The following MTF2 variants were observed in gnomAD, a reference collection of about 807,000 sequenced individuals.
MTF2 encodes metal response element binding transcription factor 2, also known as metal-response element-binding transcription factor 2.
A neutral mutation model predicts 79.5 loss-of-function variants in MTF2; 11 were observed. That is an observed-to-expected ratio of 0.14 (90% CI 0.09 to 0.23). The LOEUF is 0.23. Among genes scored for constraint, MTF2 ranks in the 10% least tolerant of loss-of-function variants. MTF2 has a pLI of 1.00. For synonymous variants in MTF2, 208 were observed against 232.8 expected (o/e 0.89, Z 0.97); for missense variants, 486 against 711.2 (o/e 0.68, Z 3.60).
intron 9 of MTF2, among the ~76,000 whole-genome samples, chr1:93,122,445 A>G (rs756425019): frequency 6.6e-6 from 1 of 152,188 alleles, no homozygotes; most frequent in East Asian, 1.9e-4. Context: ...GGCTGGAAAT[A>G]TAAGAAAATG....
At chr1:93,111,417 T>C (rs1047197563) in intron 3 of MTF2, among the ~76,000 whole-genome samples, 9 of 152,194 alleles carry the variant, frequency 5.9e-5, no homozygotes, top group African/African-American at 2.2e-4. Flanking sequence ...CCCTAAAGGG[T>C]AGACACCTTG....
intron 9 of MTF2, 64 bp downstream of exon 9, chr1:93,120,736 C>A (rs1656439868): frequency 6.4e-7 from 1 of 1,559,688 alleles, no homozygotes; most frequent in Non-Finnish European, 8.6e-7. Context: ...TTTTGTTTTT[C>A]AAAAAACAAC....
chr1:93,136,871 G>A lies in MTF2; in HGVS notation c.1626G>A (p.Glu542=). 6.2e-7 allele frequency: 1 copy of A among 1,614,160 alleles called. No individual in the cohort carries two copies. Among genetic ancestry groups the A allele is most frequent in the Non-Finnish European group, 8.5e-7 (1 of 1,180,014 alleles). ...TEILNNLADQ[E]LQLNHLKNSI... ...TTCTGAATAACTTAGCAGATCAGGA[G>A]TTACAACTCAATCATCTAAAGAACT... The change falls in exon 15 of 15, where the codon GAG becomes GAA. Residue 542 remains glutamate (E), a synonymous_variant. Coordinates refer to ENST00000370298, the MANE Select transcript of MTF2 (RefSeq NM_007358.4).
At chr1:93,118,952 A>G (rs1656359598) in intron 7 of MTF2, among the ~76,000 whole-genome samples, 1 of 152,238 alleles carries the variant, frequency 6.6e-6, no homozygotes, top group Admixed American at 6.5e-5. Context: ...ACCTTAGGGA[A>G]GTTCACTTGT....
intron 1 of MTF2, among the ~76,000 whole-genome samples, chr1:93,095,686 C>T (rs185186607): frequency 1.2e-4 from 16 of 138,350 alleles, no homozygotes; most frequent in African/African-American, 3.3e-4. Context: ...GATGGAGTCT[C>T]GCTCTGTCAC....
rs1471481305 is a variant in MTF2 at position 93,079,411 on chromosome 1, G to A, written c.-116G>A. 1 of 1,345,956 alleles carries A rather than the reference G, an allele frequency of 7.4e-7. No individual in the cohort carries two copies. The allele number at this position is 1,345,956 out of a possible 1,614,324, so 83.4% of individuals were successfully genotyped here. On this transcript the variant is annotated 5_prime_UTR_variant, in exon 1 of 15. Coordinates refer to ENST00000370298, the MANE Select transcript of MTF2 (RefSeq NM_007358.4). ...CTCGGTTTGTGCGTGCATATGTGCC[G>A]GGTACCCGGTGGGGCGGGTGCCCAG...
intron 6 of MTF2, among the ~76,000 whole-genome samples, chr1:93,116,217 C>G (rs1483155718): frequency 7.1e-6 from 1 of 140,702 alleles, no homozygotes; most frequent in Non-Finnish European, 1.5e-5. Context: ...GCCACTACAC[C>G]TGGCTAATTT....
intron 11 of MTF2, among the ~76,000 whole-genome samples, chr1:93,130,823 C>G (rs1029675847): frequency 1.3e-5 from 2 of 152,030 alleles, no homozygotes; most frequent in Non-Finnish European, 2.9e-5. Context: ...AAATAATGCC[C>G]AGATTTCTGG....
At chr1:93,117,238 A>T (rs964819571) in intron 6 of MTF2, among the ~76,000 whole-genome samples, 4 of 152,204 alleles carry the variant, frequency 2.6e-5, no homozygotes, top group African/African-American at 9.7e-5. Context: ...AAAGATAACC[A>T]TATCAAAACC....
chr1:93,132,091 G>A (rs534980201), intron 11 of MTF2, among the ~76,000 whole-genome samples: 2 of 151,914 alleles, frequency 1.3e-5, no homozygotes, highest in African/African-American at 2.4e-5. Flanking sequence ...CCATTTTCTC[G>A]ATGAAATATA....
chr1:93,125,711 G>A (rs576109939), intron 9 of MTF2, among the ~76,000 whole-genome samples: 2 of 151,958 alleles, frequency 1.3e-5, no homozygotes, highest in African/African-American at 4.8e-5. Context: ...GGGTGGGGAG[G>A]GGGGACCAGG....
Position 93,136,861 on chromosome 1 carries a change from C to G in MTF2, c.1616C>G (p.Ala539Gly), listed in dbSNP as rs775682377. 2 of 1,614,146 alleles carry G rather than the reference C, an allele frequency of 1.2e-6. No homozygotes were observed. The highest frequency in any genetic ancestry group is 1.1e-5 in the South Asian group (1 of 91,078). Residue 539 changes from alanine (A) to glycine (G), a missense_variant, in exon 15 of 15, where the codon GCA becomes GGA. Physicochemically the swap from Ala to Gly is moderately conservative, Grantham distance 60 (BLOSUM62 0). Around this residue, in one of 4 missense-constraint regions of MTF2, gnomAD observed 209 missense variants for 206.5 expected, o/e 1.01. Transcript: ENST00000370298. Reference sequence around the variant, plus strand: ...AACACAGAGATTCTGAATAACTTAGCAGATCAGGAGTTACAACTCAATCAT... The same window carrying G: ...AACACAGAGATTCTGAATAACTTAGGAGATCAGGAGTTACAACTCAATCAT... ...ELNTEILNNL[A>G]DQELQLNHLK...
At chr1:93,108,840 C>T (rs1307543513) in intron 1 of MTF2, among the ~76,000 whole-genome samples, 2 of 152,154 alleles carry the variant, frequency 1.3e-5, no homozygotes, top group Non-Finnish European at 2.9e-5. Context: ...CCCATTCTTC[C>T]TAGCCGTTGG....
intron 1 of MTF2, among the ~76,000 whole-genome samples, chr1:93,099,982 A>T (rs1655459544): frequency 6.6e-6 from 1 of 152,228 alleles, no homozygotes; most frequent in Admixed American, 6.5e-5. Context: ...ATTTAATGAA[A>T]ATAGTTCAAT....
chr1:93,117,009 A>G (rs1266414399), intron 6 of MTF2, among the ~76,000 whole-genome samples: 7 of 152,196 alleles, frequency 4.6e-5, no homozygotes. Context: ...ACTGATCACC[A>G]TGAAAGATAC....
At chr1:93,126,461 C>G (rs1354689499) in intron 9 of MTF2, among the ~76,000 whole-genome samples, 1 of 137,854 alleles carries the variant, frequency 7.3e-6, no homozygotes, top group Non-Finnish European at 1.6e-5. Context: ...TGAAAGTCAA[C>G]TGTGATATTT....
At chr1:93,095,710 C>T (rs1655261323) in intron 1 of MTF2, among the ~76,000 whole-genome samples, 1 of 144,184 alleles carries the variant, frequency 6.9e-6, no homozygotes, top group African/African-American at 2.6e-5. Context: ...GGCTGGAGTG[C>T]AGTGGTGTGA....
chr1:93,121,264 T>C, intron 9 of MTF2: 8 of 934,650 alleles, frequency 8.6e-6, no homozygotes, highest in Non-Finnish European at 1.0e-5. Flanking sequence ...AAGTAATGTG[T>C]GTTCATTAAA....
intron 1 of MTF2, among the ~76,000 whole-genome samples, chr1:93,092,191 A>G (rs1315883462): frequency 1.3e-5 from 2 of 152,036 alleles, no homozygotes; most frequent in Non-Finnish European, 2.9e-5. Flanking sequence ...ATATTTTCTC[A>G]TATCTCTGAG....
Sources: gnomAD v4.1 joint callset for allele counts (sites outside exome capture counted in the v4.1 genomes callset) on GRCh38, gnomAD v4.1.1 for gene constraint, gnomAD v4.1.1 regional missense constraint, MANE v1.5 for transcripts, NCBI Gene and HGNC (gene_info 2026-07-23, HGNC 2026-07-21) for gene names.